Variants in AKAP19 observed in about 807,000 individuals in gnomAD.
AKAP19 encodes the protein A-kinase anchoring protein 19.
At chr2:190,079,890 T>TGTGTGTGTGTGTGTGAGA in the AKAP19 span, 2 of 109,534 alleles carry the variant, frequency 1.8e-5, no homozygotes, top group African/African-American at 6.5e-5. Flanking sequence ...TGTGTGTGTG[T>TGTGTGTGTGTGTGTGAGA]GAGAGAGAGA....
chr2:189,941,929 C>T, the AKAP19 span, among the ~76,000 whole-genome samples: 1 of 152,062 alleles, frequency 6.6e-6, no homozygotes, highest in Non-Finnish European at 1.5e-5. Context: ...CCCAGTTCAC[C>T]TATAAAGATG....
chr2:190,050,815 A>G, the AKAP19 span, among the ~76,000 whole-genome samples: 1 of 152,178 alleles, frequency 6.6e-6, no homozygotes, highest in Admixed American at 6.5e-5. Context: ...AGACACTGGT[A>G]TTTTTGTGAT....
At chr2:190,086,402 A>G in the AKAP19 span, among the ~76,000 whole-genome samples, 1 of 152,192 alleles carries the variant, frequency 6.6e-6, no homozygotes, top group Admixed American at 6.5e-5. Flanking sequence ...CTAAATGTTA[A>G]TTCTCACTAC....
At chr2:189,910,552 GA>G in the AKAP19 span, among the ~76,000 whole-genome samples, 4,666 of 146,970 alleles carry the variant, frequency 0.032, 225 homozygotes, top group African/African-American at 0.1. Flanking sequence ...TTCAAAGATA[GA>G]AAAAAAAAAG....
At chr2:190,167,638 C>T in the AKAP19 span, among the ~76,000 whole-genome samples, 7 of 152,206 alleles carry the variant, frequency 4.6e-5, no homozygotes, top group South Asian at 6.2e-4. Context: ...TACAGCTGTT[C>T]CAAATTGGAG....
the AKAP19 span, among the ~76,000 whole-genome samples, chr2:190,012,419 A>G: frequency 2.6e-5 from 4 of 152,174 alleles, no homozygotes; most frequent in East Asian, 7.7e-4. Context: ...TATTTTTCAA[A>G]TAGTTTGTTG....
the AKAP19 span, among the ~76,000 whole-genome samples, chr2:190,196,521 TC>T: frequency 6.8e-6 from 1 of 147,806 alleles, no homozygotes; most frequent in African/African-American, 2.5e-5. Context: ...AAATGCTGGG[TC>T]TTTTTTTTTT....
chr2:190,187,694 A>G, the AKAP19 span, among the ~76,000 whole-genome samples: 1 of 152,130 alleles, frequency 6.6e-6, no homozygotes, highest in South Asian at 2.1e-4. Flanking sequence ...CTCTACAAAC[A>G]ATATAAAAAA....
chr2:190,121,526 A>G, the AKAP19 span, among the ~76,000 whole-genome samples: 3 of 152,224 alleles, frequency 2.0e-5, no homozygotes, highest in Admixed American at 2.0e-4. Context: ...CTTCCATTAG[A>G]AAAGTATTCA....
the AKAP19 span, among the ~76,000 whole-genome samples, chr2:190,005,538 C>T: frequency 6.6e-6 from 1 of 152,240 alleles, no homozygotes; most frequent in Non-Finnish European, 1.5e-5. Flanking sequence ...ACTTCTATCT[C>T]ATTACTGCCA....
chr2:190,019,449 A>C, the AKAP19 span, among the ~76,000 whole-genome samples: 1 of 152,108 alleles, frequency 6.6e-6, no homozygotes, highest in Non-Finnish European at 1.5e-5. Context: ...ATACAAGCCA[A>C]GTAGAACTTC....
At chr2:190,194,512 ACACACACG>A in the AKAP19 span, among the ~76,000 whole-genome samples, 2 of 149,860 alleles carry the variant, frequency 1.3e-5, no homozygotes, top group African/African-American at 5.0e-5. Flanking sequence ...ACACACACAC[ACACACACG>A]CAGCATCTCC....
the AKAP19 span, among the ~76,000 whole-genome samples, chr2:190,100,464 T>C: frequency 2.0e-4 from 31 of 152,334 alleles, no homozygotes; most frequent in African/African-American, 7.0e-4. Flanking sequence ...TATAGGCTAC[T>C]TTTCCACAGA....
the AKAP19 span, among the ~76,000 whole-genome samples, chr2:190,019,250 C>A: frequency 6.6e-6 from 1 of 152,124 alleles, no homozygotes; most frequent in East Asian, 1.9e-4. Context: ...CCAAAATGCA[C>A]CATGGCAGTC....
the AKAP19 span, among the ~76,000 whole-genome samples, chr2:189,950,780 C>T: frequency 6.6e-6 from 1 of 152,118 alleles, no homozygotes; most frequent in South Asian, 2.1e-4. Flanking sequence ...TAAGTTCCCC[C>T]AAAGACTTTA....
the AKAP19 span, among the ~76,000 whole-genome samples, chr2:190,050,851 T>G: frequency 6.6e-6 from 1 of 152,160 alleles, no homozygotes; most frequent in African/African-American, 2.4e-5. Flanking sequence ...CTGAACTGGA[T>G]GTAAGGAATT....
chr2:189,968,558 A>AT, the AKAP19 span, among the ~76,000 whole-genome samples: 4 of 152,176 alleles, frequency 2.6e-5, no homozygotes, highest in Non-Finnish European at 5.9e-5. Flanking sequence ...GTAGTTACAT[A>AT]TTTTTTACTG....
the AKAP19 span, among the ~76,000 whole-genome samples, chr2:190,067,946 A>G: frequency 6.6e-5 from 10 of 152,144 alleles, no homozygotes; most frequent in African/African-American, 2.2e-4. Context: ...TCATGCCTGT[A>G]TCACAGCACT....
At chr2:189,894,721 C>T in the AKAP19 span, among the ~76,000 whole-genome samples, 6 of 150,802 alleles carry the variant, frequency 4.0e-5, no homozygotes. Context: ...AAAATTAATA[C>T]ATATCATTAT....
Sources: allele counts gnomAD v4.1 joint callset (sites outside exome capture counted in the v4.1 genomes callset), GRCh38; gene constraint gnomAD v4.1.1; transcripts MANE v1.5; gene names NCBI Gene and HGNC (gene_info 2026-07-23, HGNC 2026-07-21).